SYT6: variants seen among roughly 807,000 people sequenced by gnomAD.
SYT6 encodes synaptotagmin-6.
In SYT6, 24 loss-of-function variants were observed where a neutral mutation model predicts 38.4. The observed-to-expected ratio is 0.62, with a 90% CI of 0.45 to 0.88. The LOEUF is 0.88. Among genes scored for constraint, SYT6 ranks in the 40% least tolerant of loss-of-function variants. SYT6 has a pLI of 0.00. For synonymous variants in SYT6, 265 were observed against 241.9 expected, an observed-to-expected ratio of 1.10 and a Z score of -0.89; for missense variants, 611 against 621.0, an observed-to-expected ratio of 0.98 and a Z score of 0.17.
At chr1:114,115,459 C>G (rs1676938246) in intron 3 of SYT6, among the ~76,000 whole-genome samples, 2 of 151,622 alleles carry the variant, frequency 1.3e-5, no homozygotes, top group Admixed American at 1.3e-4. Flanking sequence ...CTCTGTCGCC[C>G]AGGCTGGACT....
intron 3 of SYT6, among the ~76,000 whole-genome samples, chr1:114,122,481 TTGTGTGTG>T (rs142500087): frequency 6.7e-6 from 1 of 148,164 alleles, no homozygotes. Flanking sequence ...GCATGTACAT[TTGTGTGTG>T]TGTGTGTGTG....
chr1:114,146,998 A>T (rs1679190012), intron 1 of SYT6, among the ~76,000 whole-genome samples: 1 of 152,254 alleles, frequency 6.6e-6, no homozygotes, highest in Non-Finnish European at 1.5e-5. Flanking sequence ...TGCCCAGCCC[A>T]ATTTGAAACA....
Position 114,153,734 on chromosome 1 carries a change from C to T in SYT6, c.39G>A (p.Gln13=). Residue 13 remains glutamine, a synonymous_variant, in exon 1 of 8, where the codon CAG becomes CAA. Coordinates refer to ENST00000610222, the MANE Select transcript of SYT6 (RefSeq NM_001253772.2). ...GCGAGGCGAGGACCGCGAGCGCCTC[C>T]TGGCACCGAGGCCCGCCGGCCCCCC... ...GVWGAGGPRC[Q]EALAVLASLC... The T allele has an allele frequency of 1.5e-6, 1 of 682,702 alleles. No homozygotes were observed. Among genetic ancestry groups the T allele is most frequent in the South Asian group, 1.5e-5 (1 of 65,902 alleles). The allele number at this position is 682,702 out of a possible 1,614,324, so 42.3% of individuals were successfully genotyped here. A position where few individuals can be genotyped will look rare whatever the true frequency, so the allele number is the denominator to read the frequency against.
chr1:114,147,681 ATCT>A (rs369505845), intron 1 of SYT6, among the ~76,000 whole-genome samples: 3 of 152,354 alleles, frequency 2.0e-5, no homozygotes, highest in African/African-American at 7.2e-5. Context: ...AGCATGTATC[ATCT>A]TCATTGCTTT....
chr1:114,121,633 G>A (rs184913168), intron 3 of SYT6, among the ~76,000 whole-genome samples: 9 of 152,294 alleles, frequency 5.9e-5, no homozygotes, highest in Admixed American at 5.9e-4. Context: ...GCAAAGAAGG[G>A]TAAAATATAT....
At chr1:114,149,359 G>A (rs375823422) in intron 1 of SYT6, among the ~76,000 whole-genome samples, 27 of 151,766 alleles carry the variant, frequency 1.8e-4, no homozygotes, top group Admixed American at 5.3e-4. Flanking sequence ...ATTCAGGGCT[G>A]GGGGGAGGGG....
intron 3 of SYT6, among the ~76,000 whole-genome samples, chr1:114,110,015 G>C (rs114347056): frequency 6.6e-6 from 1 of 152,182 alleles, no homozygotes; most frequent in Non-Finnish European, 1.5e-5. Flanking sequence ...TGACAGGGGC[G>C]GAGAGCTCCC....
intron 3 of SYT6, among the ~76,000 whole-genome samples, chr1:114,116,281 G>C (rs1371926851): frequency 6.6e-6 from 1 of 152,194 alleles, no homozygotes; most frequent in Admixed American, 6.5e-5. Context: ...GGGAAGGAGG[G>C]AGGGGGAGAA....
rs775289068 is a variant in SYT6, at chr1:114,092,072, C to A, written c.*62G>T. ...GCTCTCACTGTCGAAGCTAGCAGCT[C>A]GGCCCTGCCACTGCAAAGAGGAGAA... On this transcript the variant is annotated 3_prime_UTR_variant, in exon 8 of 8. Transcript: ENST00000610222. The A allele has an allele frequency of 6.5e-7, 1 of 1,536,250 alleles. No homozygotes were observed. The highest frequency in any genetic ancestry group is 8.7e-7 in the Non-Finnish European group (1 of 1,146,906).
In SYT6 at chr1:114,139,813, G is replaced by A. The variant is rs777549517; in HGVS notation, c.314C>T (p.Ala105Val). 1 of 1,605,710 alleles carries A rather than the reference G, an allele frequency of 6.2e-7. No individual in the cohort carries two copies. The highest frequency in any genetic ancestry group is 8.5e-7 in the Non-Finnish European group (1 of 1,175,292). The change falls in exon 2 of 8, where the codon GCC (alanine) becomes GTC (valine). Residue 105 changes from alanine to valine, a missense_variant. Physicochemically the swap from Ala to Val is moderately conservative, Grantham distance 64. Transcript: ENST00000610222. ...SPSSANPPLE[A>V]LQSPSFRGNM... ...GCCTCTGAAGCTGGGGCTCTGGAGG[G>A]CTTCCAAGGGGGGATTAGCAGAAGA... is the stretch of plus-strand genomic sequence containing the variant.
At position 114,115,981 on chromosome 1, in the gene SYT6, C is replaced by A. The variant is rs559001078; in HGVS notation, c.1072-12260G>T. ...ATTGAGGGTTAGGGCTGCCGAGGAC[C>A]GTGTAGGTTTTGAAGGTGAAATTTC... On this transcript the variant is annotated intron_variant, in intron 3 of 7. Coordinates refer to ENST00000610222, the MANE Select transcript of SYT6 (RefSeq NM_001253772.2). 1.5e-3 allele frequency among the ~76,000 whole-genome samples: 221 copies of A among 152,152 alleles called. 2 individuals carry two copies. Among genetic ancestry groups the A allele is most frequent in the Non-Finnish European group, 2.0e-3 (138 of 68,012 alleles).
At chr1:114,146,387 C>A (rs993454220) in intron 1 of SYT6, among the ~76,000 whole-genome samples, 19 of 152,202 alleles carry the variant, frequency 1.2e-4, no homozygotes, top group African/African-American at 4.6e-4. Context: ...GCCCAGATAA[C>A]CTAAGCTGTA....
At chr1:114,141,564 A>T (rs1174619120) in intron 1 of SYT6, among the ~76,000 whole-genome samples, 3 of 152,262 alleles carry the variant, frequency 2.0e-5, no homozygotes, top group Non-Finnish European at 4.4e-5. Context: ...GCAAGTGCTG[A>T]TGTAGAAACT....
At chr1:114,121,930 G>C (rs950921555) in intron 3 of SYT6, among the ~76,000 whole-genome samples, 1 of 152,268 alleles carries the variant, frequency 6.6e-6, no homozygotes, top group Non-Finnish European at 1.5e-5. Context: ...CTGTGGTAGA[G>C]ATTGTTGTCC....
At chr1:114,096,882 T>C (rs9659122) in intron 6 of SYT6, among the ~76,000 whole-genome samples, 46,903 of 152,076 alleles carry the variant, frequency 0.31, 7,403 homozygotes, top group East Asian at 0.39. Flanking sequence ...GTATGAGATA[T>C]TGTGAGTGAG....
intron 3 of SYT6, among the ~76,000 whole-genome samples, chr1:114,122,481 T>TTGTG (rs142500087): frequency 1.3e-5 from 2 of 148,164 alleles, no homozygotes; most frequent in East Asian, 2.0e-4. Flanking sequence ...GCATGTACAT[T>TTGTG]TGTGTGTGTG....
At chr1:114,135,809 C>T (rs1205702412) in intron 3 of SYT6, among the ~76,000 whole-genome samples, 2 of 152,218 alleles carry the variant, frequency 1.3e-5, no homozygotes, top group Non-Finnish European at 2.9e-5. Context: ...GCCCTCACCC[C>T]TCTCCCTGGG....
intron 3 of SYT6, among the ~76,000 whole-genome samples, chr1:114,112,786 C>T (rs1474706403): frequency 6.6e-6 from 1 of 152,212 alleles, no homozygotes; most frequent in Non-Finnish European, 1.5e-5. Context: ...GAAAATCCAT[C>T]TTAATTTCTT....
chr1:114,104,633 AGG>A (rs1365572612), intron 3 of SYT6, among the ~76,000 whole-genome samples: 2 of 151,996 alleles, frequency 1.3e-5, no homozygotes, highest in Non-Finnish European at 2.9e-5. Context: ...GAGGAGGAAG[AGG>A]TCAGCGTTTA....
Sources: gnomAD v4.1 joint callset for allele counts (sites outside exome capture counted in the v4.1 genomes callset) on GRCh38, gnomAD v4.1.1 for gene constraint, MANE v1.5 for transcripts, NCBI Gene and HGNC (gene_info 2026-07-23, HGNC 2026-07-21) for gene names.